Variants in RBPMS observed in about 807,000 individuals in gnomAD.
The protein encoded by RBPMS is RNA binding protein, mRNA processing factor, also known as RNA-binding protein with multiple splicing.
A neutral mutation model predicts 26.8 loss-of-function variants in RBPMS; 7 were observed. The observed-to-expected ratio is 0.26, with a 90% CI of 0.15 to 0.49. RBPMS has a LOEUF of 0.49. Ranked by LOEUF, RBPMS falls within the 20% of genes least tolerant of loss-of-function variation. The probability of loss-of-function intolerance (pLI) is 0.98; values close to 1 mark genes in which losing one functional copy is unlikely to be tolerated. For synonymous variants in RBPMS, 96 were observed against 93.3 expected, an observed-to-expected ratio of 1.03 and a Z score of -0.17; for missense variants, 186 against 250.0, an observed-to-expected ratio of 0.74 and a Z score of 1.73.
At chr8:30,558,835 T>C (rs767825758) in intron 6 of RBPMS, 52 bp from the exon 7 acceptor site, 9 of 1,474,868 alleles carry the variant, frequency 6.1e-6, no homozygotes, top group South Asian at 2.3e-5. Flanking sequence ...TCCGTGAGAA[T>C]GGGGATATGC....
At chr8:30,414,940 G>A (rs1809887091) in intron 1 of RBPMS, among the ~76,000 whole-genome samples, 1 of 151,636 alleles carries the variant, frequency 6.6e-6, no homozygotes, top group Non-Finnish European at 1.5e-5. Flanking sequence ...AATTTGGCTT[G>A]TAAATGATAG....
At chr8:30,439,594 C>T (rs1812843950) in intron 1 of RBPMS, among the ~76,000 whole-genome samples, 1 of 151,970 alleles carries the variant, frequency 6.6e-6, no homozygotes, top group South Asian at 2.1e-4. Flanking sequence ...AGTTTGGCTC[C>T]CCCACACCCC....
At chr8:30,501,133 A>G (rs1820506575) in intron 4 of RBPMS, among the ~76,000 whole-genome samples, 1 of 152,012 alleles carries the variant, frequency 6.6e-6, no homozygotes, top group Admixed American at 6.6e-5. Flanking sequence ...TACTACATAA[A>G]GCTGATCATA....
At chr8:30,487,819 G>GA (rs1818953474) in intron 4 of RBPMS, among the ~76,000 whole-genome samples, 1 of 152,036 alleles carries the variant, frequency 6.6e-6, no homozygotes, top group South Asian at 2.1e-4. Context: ...AATACACCGT[G>GA]AAGTATATTT....
chr8:30,558,743 C>G (rs1045519458), intron 6 of RBPMS, 144 bp from the exon 7 acceptor site: 1 of 730,260 alleles, frequency 1.4e-6, no homozygotes, highest in African/African-American at 1.7e-5. Flanking sequence ...GCTTTTCAGC[C>G]CCTTGGGGAA....
chr8:30,488,123 G>A (rs1248314902), intron 4 of RBPMS, among the ~76,000 whole-genome samples: 1 of 151,876 alleles, frequency 6.6e-6, no homozygotes, highest in Non-Finnish European at 1.5e-5. Flanking sequence ...TCCTTTATTT[G>A]CCTTACACAA....
At chr8:30,425,786 A>G (rs1036878859) in intron 1 of RBPMS, among the ~76,000 whole-genome samples, 2 of 152,112 alleles carry the variant, frequency 1.3e-5, no homozygotes, top group Non-Finnish European at 2.9e-5. Context: ...TGTTCTAAAC[A>G]TTTTTACAGA....
intron 1 of RBPMS, among the ~76,000 whole-genome samples, chr8:30,415,241 A>G (rs759958137): frequency 3.3e-5 from 5 of 151,912 alleles, no homozygotes; most frequent in African/African-American, 1.2e-4. Flanking sequence ...CTACTTTCCA[A>G]ATATCTCTCA....
intron 1 of RBPMS, 107 bp downstream of exon 1, chr8:30,385,265 C>A: frequency 1.4e-6 from 1 of 735,050 alleles, no homozygotes; most frequent in Non-Finnish European, 2.0e-6. Context: ...CAGGCATGGC[C>A]CGTGCCCCGG....
intron 4 of RBPMS, among the ~76,000 whole-genome samples, chr8:30,493,250 GAGCTATTGC>G (rs1819585214): frequency 6.6e-6 from 1 of 152,282 alleles, no homozygotes; most frequent in East Asian, 1.9e-4. Context: ...ACTGAATTGA[GAGCTATTGC>G]CTAGGATCTG....
intron 1 of RBPMS, among the ~76,000 whole-genome samples, chr8:30,390,031 A>G (rs1326614252): frequency 6.6e-6 from 1 of 152,204 alleles, no homozygotes; most frequent in Non-Finnish European, 1.5e-5. Context: ...CTGATTTTAA[A>G]GTTTTATGCT....
chr8:30,557,238 T>A (rs1048004327), intron 6 of RBPMS, among the ~76,000 whole-genome samples: 1 of 152,144 alleles, frequency 6.6e-6, no homozygotes, highest in Admixed American at 6.5e-5. Context: ...GTTTCCTGAC[T>A]CAGGCCAGCG....
At chr8:30,565,403 G>C (rs1237300373) in intron 7 of RBPMS, 1 of 152,230 alleles carries the variant, frequency 6.6e-6, no homozygotes, top group Non-Finnish European at 1.5e-5. Flanking sequence ...ATGCACTCCA[G>C]TTCTCATAAG....
At chr8:30,419,953 A>G (rs576268953) in intron 1 of RBPMS, among the ~76,000 whole-genome samples, 51 of 152,326 alleles carry the variant, frequency 3.3e-4, no homozygotes, top group Middle Eastern at 3.4e-3. Flanking sequence ...GGTCTGGTGC[A>G]GTGGCTCATG....
intron 1 of RBPMS, among the ~76,000 whole-genome samples, chr8:30,446,157 A>T (rs1158663933): frequency 6.6e-6 from 1 of 152,180 alleles, no homozygotes; most frequent in Non-Finnish European, 1.5e-5. Flanking sequence ...GATGTCTGGG[A>T]TATTAACTTT....
At chr8:30,450,338 A>G (rs1053253275) in intron 1 of RBPMS, among the ~76,000 whole-genome samples, 1 of 152,190 alleles carries the variant, frequency 6.6e-6, no homozygotes, top group African/African-American at 2.4e-5. Flanking sequence ...TTATAGATGG[A>G]CTATCTTAGA....
chr8:30,422,107 T>A (rs1010323196), intron 1 of RBPMS, among the ~76,000 whole-genome samples: 1 of 150,884 alleles, frequency 6.6e-6, no homozygotes, highest in African/African-American at 2.4e-5. Flanking sequence ...CTTATTTTTT[T>A]ATTTTATTTT....
chr8:30,551,650 G>C (rs1402237467), intron 6 of RBPMS, among the ~76,000 whole-genome samples: 1 of 152,162 alleles, frequency 6.6e-6, no homozygotes, highest in African/African-American at 2.4e-5. Context: ...CCAACAAGTC[G>C]CACCTGGAAG....
At chr8:30,523,285 G>A (rs566655715) in intron 5 of RBPMS, among the ~76,000 whole-genome samples, 18 of 151,708 alleles carry the variant, frequency 1.2e-4, no homozygotes, top group South Asian at 1.0e-3. Context: ...GCTGAGGCAC[G>A]AGAATTGCTT....
Sources: gnomAD v4.1 joint callset for allele counts (sites outside exome capture counted in the v4.1 genomes callset) on GRCh38, gnomAD v4.1.1 for gene constraint, MANE v1.5 for transcripts, NCBI Gene and HGNC (gene_info 2026-07-23, HGNC 2026-07-21) for gene names.